Variants in PRSS1 observed in about 807,000 individuals in gnomAD.
PRSS1 encodes TCR V beta 4.1.
In PRSS1, 22 loss-of-function variants were observed where a neutral mutation model predicts 24.2. The ratio of observed to expected loss-of-function variants is 0.91; its 90% CI spans 0.65 to 1.30. The LOEUF (loss-of-function observed/expected upper bound fraction) is 1.30, where lower values mean the gene tolerates loss of function less well. PRSS1 is among the 50% of genes most tolerant of loss of function. The pLI, the probability that PRSS1 is intolerant of heterozygous loss-of-function variation, is 0.00. For synonymous variants in PRSS1, 126 were observed against 116.1 expected (o/e 1.08, Z -0.55); for missense variants, 366 against 304.2 (o/e 1.20, Z -1.51).
chr7:142,753,053 T>C lies in PRSS1; in HGVS notation c.*33T>C, dbSNP rs776590758. ...AGTATCTCTTCAGTCTCTATACCAA[T>C]AAAGTGACCCTGTTCTCACTGTCTG... On this transcript the variant is annotated 3_prime_UTR_variant, in exon 5 of 5. Transcript: ENST00000311737. 8.1e-6 allele frequency: 13 copies of C among 1,607,608 alleles called. No individual in the cohort carries two copies. Among genetic ancestry groups the C allele is most frequent in the Non-Finnish European group, 1.1e-5 (13 of 1,174,206 alleles).
intron 2 of PRSS1, 24 bp from the exon 3 acceptor site, chr7:142,751,750 C>G: frequency 6.2e-7 from 1 of 1,614,188 alleles, no homozygotes; most frequent in East Asian, 2.2e-5. Flanking sequence ...AGAAGGTCTT[C>G]ACCATGCCTG....
chr7:142,750,986 A>T lies in PRSS1; in HGVS notation c.200+272A>T, dbSNP rs370580835. 5.6e-6 allele frequency: 4 copies of T among 713,756 alleles called. No individual in the cohort carries two copies. In the East Asian group the frequency reaches 8.0e-5, roughly 14 times the overall value. 44.2% of individuals were successfully genotyped at this position (713,756 alleles called of 1,614,324 possible). ...GTGAGAGCTAGTGAGAAAAGCAGGCAAGTATCTTTTGCTGGTTAGCTACAC... is the reference window on the plus strand; with the variant it reads ...GTGAGAGCTAGTGAGAAAAGCAGGCTAGTATCTTTTGCTGGTTAGCTACAC... On this transcript the variant is annotated intron_variant, in intron 2 of 4. Transcript: ENST00000311737.
Position 142,751,499 on chromosome 7 carries a change from G to A in PRSS1, c.201-275G>A, listed in dbSNP as rs1367665194. The A allele has an allele frequency of 6.9e-6, 4 of 578,514 alleles. No homozygotes were observed. The Admixed American group carries it at 9.2e-5, about 13-fold the overall frequency. 35.8% of individuals were successfully genotyped at this position (578,514 alleles called of 1,614,324 possible). On this transcript the variant is annotated intron_variant, in intron 2 of 4. Transcript: ENST00000311737. ...AGTGCTAGTGACTGTGGAGATTGTG[G>A]GAAAGAGTCTGGGGAGGCAGGTTGA...
rs774210166 is a variant in PRSS1, at chr7:142,752,847, C to T, written c.592-21C>T. The T allele has an allele frequency of 5.0e-6, 8 of 1,612,434 alleles. No individual in the cohort carries two copies. In the African/African-American group the frequency reaches 1.1e-4, roughly 22 times the overall value. On this transcript the variant is annotated intron_variant, in intron 4 of 4. Coordinates refer to ENST00000311737, the MANE Select transcript of PRSS1 (RefSeq NM_002769.5). Reference sequence around the variant, plus strand: ...ATTCCTCCTCCATCTCTCCATACAACTTGTCCCTTCTTCCCCCCAGGGTGA... The same window carrying T: ...ATTCCTCCTCCATCTCTCCATACAATTTGTCCCTTCTTCCCCCCAGGGTGA...
intron 2 of PRSS1, chr7:142,751,439 C>T (rs3857776): frequency 0.54 from 302,352 of 563,196 alleles, 81,126 homozygotes; most frequent in Admixed American, 0.59. Flanking sequence ...GGGTGAAGAA[C>T]GCTGGGAAAA....
intron 2 of PRSS1, chr7:142,751,350 A>G (rs1373601699): frequency 3.4e-6 from 2 of 587,490 alleles, no homozygotes; most frequent in South Asian, 2.0e-5. Context: ...CCCTTGGATT[A>G]GATTACACAG....
At chr7:142,750,403 G>C in intron 1 of PRSS1, 152 bp from the exon 2 acceptor site, 1 of 985,364 alleles carries the variant, frequency 1.0e-6, no homozygotes, top group Non-Finnish European at 1.5e-6. Context: ...GCCACAGGCA[G>C]TGATGATCAC....
Position 142,752,444 on chromosome 7 carries a change from C to G in PRSS1, c.468C>G (p.Asp156Glu), listed in dbSNP as rs146076691. ...TGATCCTCACAGCCGACTACCCAGACGAGCTGCAGTGCCTGGATGCTCCTG... is the reference window on the plus strand; with the variant it reads ...TGATCCTCACAGCCGACTACCCAGAGGAGCTGCAGTGCCTGGATGCTCCTG... ...NTASSGADYP[D>E]ELQCLDAPVL... The change falls in exon 4 of 5, where the codon GAC becomes GAG. Residue 156 changes from aspartate (D) to glutamate (E), a missense_variant. Physicochemically the swap from Asp to Glu is conservative, Grantham distance 45. Transcript: ENST00000311737. 2.7e-6 allele frequency: 4 copies of G among 1,504,124 alleles called. No individual in the cohort carries two copies. Among genetic ancestry groups the G allele is most frequent in the African/African-American group, 1.5e-5 (1 of 66,022 alleles). 93.2% of individuals were successfully genotyped at this position (1,504,124 alleles called of 1,614,324 possible).
At chr7:142,749,585 C>T in intron 1 of PRSS1, 61 bp downstream of exon 1, 2 of 1,552,740 alleles carry the variant, frequency 1.3e-6, no homozygotes, top group East Asian at 2.2e-5. Flanking sequence ...GACAAATGCC[C>T]TTCCATTCTT....
intron 2 of PRSS1, 184 bp from the exon 3 acceptor site, chr7:142,751,590 A>G (rs1028561572): frequency 4.5e-5 from 49 of 1,083,052 alleles, no homozygotes; most frequent in Non-Finnish European, 5.9e-5. Context: ...TCTGGAGCAG[A>G]TAGGTCCTGG....
rs759742265 is a variant in PRSS1 at position 142,751,858 on chromosome 7, C to T, written c.285C>T (p.Arg95=). ...TCATCAATGCAGCCAAGATCATCCG[C>T]CACCCCCAATACGACAGGAAGACTC... ...EQFINAAKII[R]HPQYDRKTLN... is the part of the protein sequence containing the mutation. The change falls in exon 3 of 5, where the codon CGC becomes CGT. Residue 95 remains arginine, a synonymous_variant. Transcript: ENST00000311737. The T allele has an allele frequency of 4.3e-6, 7 of 1,614,102 alleles. No homozygotes were observed. The highest frequency in any genetic ancestry group is 1.3e-5 in the African/African-American group (1 of 75,002).
At chr7:142,751,707 T>A (rs116058908) in intron 2 of PRSS1, 67 bp from the exon 3 acceptor site, 1 of 1,613,816 alleles carries the variant, frequency 6.2e-7, no homozygotes, top group Non-Finnish European at 8.5e-7. Flanking sequence ...TTGAGGAACC[T>A]GGGGAAGGTG....
In PRSS1 at chr7:142,752,477, C is replaced by A; in HGVS notation, c.501C>A (p.Ser167Arg). 6.2e-7 allele frequency: 1 copy of A among 1,614,028 alleles called. No homozygotes were observed. ...ELQCLDAPVL[S>R]QAKCEASYPG... ...AGTGCCTGGATGCTCCTGTGCTGAG[C>A]CAGGCTAAGTGTGAAGCCTCCTACC... The change falls in exon 4 of 5, where the codon AGC becomes AGA. Residue 167 changes from serine to arginine, a missense_variant. Physicochemically the swap from Ser to Arg is moderately radical, Grantham distance 110. Transcript: ENST00000311737.
At chr7:142,752,672 G>A in intron 4 of PRSS1, 105 bp downstream of exon 4, 4 of 1,571,146 alleles carry the variant, frequency 2.5e-6, no homozygotes, top group Non-Finnish European at 3.5e-6. Flanking sequence ...GAGGCTCCCT[G>A]CAGTGCCCAC....
chr7:142,750,748 G>T (rs775733122), intron 2 of PRSS1, 34 bp downstream of exon 2: 7 of 1,613,654 alleles, frequency 4.3e-6, no homozygotes, highest in Non-Finnish European at 5.1e-6. Context: ...AAAGCTCCCG[G>T]CCAGTCTGCC....
intron 1 of PRSS1, 26 bp downstream of exon 1, chr7:142,749,550 C>G (rs758733845): frequency 2.4e-5 from 38 of 1,612,638 alleles, no homozygotes; most frequent in Non-Finnish European, 3.0e-5. Flanking sequence ...TGCCTCAGGC[C>G]CCAACCACCC....
At position 142,750,113 on chromosome 7, in the gene PRSS1, T is replaced by C. The variant is rs1203592195; in HGVS notation, c.41-442T>C. ...CTGCCCTGACTGCACAGATCTGAGCTATGGGGGAAGGTGGTCATGGCCAGG... is the reference window on the plus strand; with the variant it reads ...CTGCCCTGACTGCACAGATCTGAGCCATGGGGGAAGGTGGTCATGGCCAGG... On this transcript the variant is annotated intron_variant, in intron 1 of 4. Coordinates refer to ENST00000311737, the MANE Select transcript of PRSS1 (RefSeq NM_002769.5). Among the ~76,000 whole-genome samples, 3 of 151,954 alleles carry C rather than the reference T, an allele frequency of 2.0e-5. No homozygotes were observed. In the East Asian group the frequency reaches 5.8e-4, roughly 29 times the overall value.
intron 1 of PRSS1, among the ~76,000 whole-genome samples, chr7:142,749,955 T>C (rs1441629609): frequency 6.6e-6 from 1 of 152,210 alleles, no homozygotes; most frequent in East Asian, 1.9e-4. Context: ...GCTTGTGTTC[T>C]GGGCTTTTAA....
rs763360050 is a variant in PRSS1 at position 142,751,133 on chromosome 7, C to G, written c.200+419C>G. On this transcript the variant is annotated intron_variant, in intron 2 of 4. Coordinates refer to ENST00000311737, the MANE Select transcript of PRSS1 (RefSeq NM_002769.5). ...TCAGTGAGAATTTTACACTCTACCTCTGCTAACTGTAGAGTGTATAGACAG... is the reference window on the plus strand; with the variant it reads ...TCAGTGAGAATTTTACACTCTACCTGTGCTAACTGTAGAGTGTATAGACAG... 30 of 694,820 alleles carry G rather than the reference C, an allele frequency of 4.3e-5. 1 individual carries two copies. The Middle Eastern group carries it at 3.2e-3, about 74-fold the overall frequency. 43.0% of individuals were successfully genotyped at this position (694,820 alleles called of 1,614,324 possible).
Sources: gnomAD v4.1 joint callset for allele counts (sites outside exome capture counted in the v4.1 genomes callset) on GRCh38, gnomAD v4.1.1 for gene constraint, MANE v1.5 for transcripts, NCBI Gene and HGNC (gene_info 2026-07-23, HGNC 2026-07-21) for gene names.